BCL7C: variants seen among roughly 807,000 people sequenced by gnomAD.
The protein encoded by BCL7C is BAF chromatin remodeling complex subunit BCL7C.
BCL7C carries 8 observed loss-of-function variants against 26.2 expected under a neutral mutation model. The observed-to-expected ratio is 0.30, with a 90% CI of 0.18 to 0.55. BCL7C has a LOEUF of 0.55. Among genes scored for constraint, BCL7C ranks in the 20% least tolerant of loss-of-function variants. The probability of loss-of-function intolerance (pLI) is 0.93; values close to 1 mark genes in which losing one functional copy is unlikely to be tolerated. For synonymous variants in BCL7C, 90 were observed against 116.5 expected, an observed-to-expected ratio of 0.77 and a Z score of 1.47; for missense variants, 262 against 298.5, an observed-to-expected ratio of 0.88 and a Z score of 0.90.
At chr16:30,859,058 T>G (rs1352193359) in intron 5 of BCL7C, among the ~76,000 whole-genome samples, 1 of 152,220 alleles carries the variant, frequency 6.6e-6, no homozygotes, top group Non-Finnish European at 1.5e-5. Flanking sequence ...CCAGTGTAAT[T>G]GCCTGATCAA....
intron 5 of BCL7C, among the ~76,000 whole-genome samples, chr16:30,849,515 G>C (rs1426151679): frequency 1.3e-5 from 2 of 151,956 alleles, no homozygotes; most frequent in South Asian, 4.1e-4. Flanking sequence ...GCAGTAGCAC[G>C]ATCTCAACTC....
At chr16:30,856,930 CCTTTT>C (rs1291410143) in intron 5 of BCL7C, among the ~76,000 whole-genome samples, 3 of 152,310 alleles carry the variant, frequency 2.0e-5, no homozygotes, top group South Asian at 2.1e-4. Context: ...GGTTTTCTTT[CCTTTT>C]AAGTTTTTTT....
Position 30,855,384 on chromosome 16 carries a change from G to A in BCL7C, c.529-20236C>T, listed in dbSNP as rs573645401. 5.3e-5 allele frequency among the ~76,000 whole-genome samples: 8 copies of A among 152,110 alleles called. No homozygotes were observed. The East Asian group carries it at 7.7e-4, about 15-fold the overall frequency. On this transcript the variant is annotated intron_variant, in intron 5 of 5. Coordinates refer to the BCL7C transcript ENST00000380317. ...CTCCTGAGTAGCTGGGATTACAGGC[G>A]TGTGCCCACCACCACACCCGGCTAA...
intron 5 of BCL7C, chr16:30,851,729 G>T: frequency 3.1e-6 from 2 of 651,350 alleles, no homozygotes; most frequent in South Asian, 3.5e-5. Context: ...ACCAGCAGCA[G>T]ACCACCAAAC....
At chr16:30,858,018 G>A (rs1185596058) in intron 5 of BCL7C, among the ~76,000 whole-genome samples, 1 of 151,860 alleles carries the variant, frequency 6.6e-6, no homozygotes, top group Non-Finnish European at 1.5e-5. Flanking sequence ...CCATGCCTTG[G>A]ATTGTAATAG....
At chr16:30,854,442 C>A (rs1001773278) in intron 5 of BCL7C, among the ~76,000 whole-genome samples, 2 of 152,242 alleles carry the variant, frequency 1.3e-5, no homozygotes, top group Middle Eastern at 3.4e-3. Context: ...TGTGCCAGAT[C>A]ACAGAGGGTT....
At chr16:30,850,858 T>C (rs958343204) in intron 5 of BCL7C, among the ~76,000 whole-genome samples, 2 of 152,176 alleles carry the variant, frequency 1.3e-5, no homozygotes, top group Admixed American at 6.6e-5. Flanking sequence ...ACACTGTATA[T>C]ATAGGCTACA....
intron 5 of BCL7C, among the ~76,000 whole-genome samples, chr16:30,857,463 C>T (rs1055558161): frequency 6.0e-5 from 9 of 150,934 alleles, no homozygotes; most frequent in Non-Finnish European, 1.3e-4. Context: ...CAAATAATGA[C>T]ACTTCTCTGG....
In BCL7C at chr16:30,857,323, G is replaced by T. The variant is rs1332978222; in HGVS notation, c.529-22175C>A. Among the ~76,000 whole-genome samples, 3 of 148,546 alleles carry T rather than the reference G, an allele frequency of 2.0e-5. No individual in the cohort carries two copies. The East Asian group carries it at 6.0e-4, about 30-fold the overall frequency. ...GAATCACTAGAACTCAGGAGGCAGAGGCTGCAGTGAGCCAAGATTGTGCCA... is the reference window on the plus strand; with the variant it reads ...GAATCACTAGAACTCAGGAGGCAGATGCTGCAGTGAGCCAAGATTGTGCCA... On this transcript the variant is annotated intron_variant, in intron 5 of 5. Transcript: ENST00000380317.
In BCL7C at chr16:30,892,653, C is replaced by A; in HGVS notation, c.375G>T (p.Val125=). Residue 125 remains valine, a synonymous_variant, in exon 4 of 6, where the codon GTG becomes GTT. Coordinates refer to ENST00000215115, the MANE Select transcript of BCL7C (RefSeq NM_004765.4). The part of the protein sequence containing the change: ...PGGTPQPSRP[V]SPAGPPEGVP... Reference sequence around the variant, plus strand: ...CCCCTTCTGGGGGTCCGGCAGGTGACACAGGGCGGCTGGGCTGGGGGGTGC... The same window carrying A: ...CCCCTTCTGGGGGTCCGGCAGGTGAAACAGGGCGGCTGGGCTGGGGGGTGC... 6.2e-7 allele frequency: 1 copy of A among 1,613,254 alleles called. No individual in the cohort carries two copies. The highest frequency in any genetic ancestry group is 8.5e-7 in the Non-Finnish European group (1 of 1,179,632).
At chr16:30,849,943 G>C (rs547445531) in intron 5 of BCL7C, among the ~76,000 whole-genome samples, 3 of 151,934 alleles carry the variant, frequency 2.0e-5, no homozygotes, top group East Asian at 3.9e-4. Context: ...TGCCTTCCAG[G>C]CTGGGCGTGG....
chr16:30,840,763 C>T (rs2054596954), intron 5 of BCL7C: 1 of 152,152 alleles, frequency 6.6e-6, no homozygotes, highest in Non-Finnish European at 1.5e-5. Flanking sequence ...CAAACATGTC[C>T]TTGTTCACAT....
At chr16:30,851,673 C>A in intron 5 of BCL7C, 1 of 714,746 alleles carries the variant, frequency 1.4e-6, no homozygotes, top group South Asian at 1.6e-5. Flanking sequence ...GCATACTTCT[C>A]AGATGTAATG....
At chr16:30,856,439 TAA>T (rs61380254) in intron 5 of BCL7C, among the ~76,000 whole-genome samples, 14 of 116,544 alleles carry the variant, frequency 1.2e-4, no homozygotes, top group Admixed American at 2.9e-4. Flanking sequence ...AGACTCCGTC[TAA>T]AAAAAAAAAA....
chr16:30,868,636 T>G (rs1003159390), intron 5 of BCL7C, among the ~76,000 whole-genome samples: 3 of 151,274 alleles, frequency 2.0e-5, no homozygotes, highest in Admixed American at 6.6e-5. Context: ...AAATACAAAA[T>G]TAGCCAGGTG....
chr16:30,892,921 C>T lies in BCL7C; in HGVS notation c.199G>A (p.Glu67Lys). Residue 67 changes from glutamate to lysine, a missense_variant, in exon 3 of 6, where the codon GAG becomes AAG. Transcript: ENST00000215115. ...CGACGTTCCCGGCCACGGGATCTCT[C>T]TGCCCCGCCACCTGCCCGCCTTCGC... ...EERRRAGGGA[E>K]RSRGRERRGR... 6.2e-7 allele frequency: 1 copy of T among 1,613,018 alleles called. No individual in the cohort carries two copies. Among genetic ancestry groups the T allele is most frequent in the South Asian group, 1.1e-5 (1 of 91,054 alleles).
intron 5 of BCL7C, among the ~76,000 whole-genome samples, chr16:30,856,078 A>T (rs577570213): frequency 6.6e-6 from 1 of 151,296 alleles, no homozygotes; most frequent in Non-Finnish European, 1.5e-5. Context: ...AAAAAAAAAA[A>T]AAGAAGAAAG....
downstream of BCL7C, among the ~76,000 whole-genome samples, chr16:30,882,921 T>C (rs2055063833): frequency 6.6e-6 from 1 of 152,186 alleles, no homozygotes; most frequent in Non-Finnish European, 1.5e-5. Context: ...TGTCACCATC[T>C]TGGCTGGCTC....
chr16:30,866,780 G>A (rs527573473), intron 5 of BCL7C, among the ~76,000 whole-genome samples: 8 of 152,216 alleles, frequency 5.3e-5, no homozygotes, highest in East Asian at 3.9e-4. Context: ...TTTGCTGGGC[G>A]TGCCGTCTCA....
Sources: gnomAD v4.1 joint callset for allele counts (sites outside exome capture counted in the v4.1 genomes callset) on GRCh38, gnomAD v4.1.1 for gene constraint, MANE v1.5 for transcripts, NCBI Gene and HGNC (gene_info 2026-07-23, HGNC 2026-07-21) for gene names.